Variants in KIF9 observed in about 807,000 individuals in gnomAD.
KIF9 encodes the protein kinesin-like protein KIF9.
A neutral mutation model predicts 94.8 loss-of-function variants in KIF9; 68 were observed. That is an observed-to-expected ratio of 0.72 (90% CI 0.59 to 0.88). The LOEUF (loss-of-function observed/expected upper bound fraction) is 0.88. Ranked by LOEUF, KIF9 falls within the 40% of genes least tolerant of loss-of-function variation. The probability of loss-of-function intolerance (pLI) is 0.00; values close to 1 mark genes in which losing one functional copy is unlikely to be tolerated. For synonymous variants in KIF9, 343 were observed against 362.1 expected (o/e 0.95, Z 0.60); for missense variants, 882 against 982.5 (o/e 0.90, Z 1.37).
chr3:47,264,386 T>A, intron 8 of KIF9, 36 bp from the exon 9 acceptor site: 4 of 1,581,532 alleles, frequency 2.5e-6, no homozygotes, highest in Non-Finnish European at 3.5e-6. Context: ...CTATGAACCA[T>A]GTGTTTTTTC....
At chr3:47,236,722 A>T in intron 17 of KIF9, 103 bp from the exon 18 acceptor site, 1 of 955,590 alleles carries the variant, frequency 1.0e-6, no homozygotes, top group Admixed American at 2.1e-5. Flanking sequence ...AATCATGAAG[A>T]CAGGAGACCA....
intron 10 of KIF9, among the ~76,000 whole-genome samples, chr3:47,249,474 C>A (rs1700133968): frequency 6.6e-6 from 1 of 152,152 alleles, no homozygotes; most frequent in South Asian, 2.1e-4. Context: ...TGCTTACAAA[C>A]AATGCTGCAA....
intron 17 of KIF9, among the ~76,000 whole-genome samples, chr3:47,239,168 C>A (rs976289291): frequency 6.6e-6 from 1 of 152,116 alleles, no homozygotes; most frequent in Non-Finnish European, 1.5e-5. Flanking sequence ...CCATTGCACT[C>A]CAGCCTGGGC....
intron 20 of KIF9, among the ~76,000 whole-genome samples, 193 bp downstream of exon 20, chr3:47,235,320 G>A (rs976793246): frequency 3.9e-5 from 6 of 152,320 alleles, no homozygotes; most frequent in East Asian, 1.9e-4. Context: ...TGGCCTGGCC[G>A]TGGTTGGTGG....
intron 1 of KIF9, chr3:47,282,184 A>C (rs758778680): frequency 1.1e-5 from 11 of 985,228 alleles, no homozygotes; most frequent in Non-Finnish European, 1.3e-5. Flanking sequence ...AGCCCCCTCT[A>C]GTTCGAAAAC....
At chr3:47,252,591 T>G (rs1331826683) in intron 10 of KIF9, among the ~76,000 whole-genome samples, 1 of 151,514 alleles carries the variant, frequency 6.6e-6, no homozygotes, top group East Asian at 2.0e-4. Context: ...AGCAAGACCC[T>G]GTCTAAAAAA....
At chr3:47,272,063 T>C (rs1415823807) in intron 4 of KIF9, among the ~76,000 whole-genome samples, 2 of 152,108 alleles carry the variant, frequency 1.3e-5, no homozygotes, top group African/African-American at 4.8e-5. Flanking sequence ...GAGCTTGCAG[T>C]GAGATGAGAT....
intron 10 of KIF9, among the ~76,000 whole-genome samples, chr3:47,256,416 C>G (rs1700600674): frequency 6.6e-6 from 1 of 152,146 alleles, no homozygotes; most frequent in Admixed American, 6.5e-5. Flanking sequence ...GGCAGCCACC[C>G]CATCTGGGAA....
intron 9 of KIF9, chr3:47,263,755 TTCTC>T (rs1701123755): frequency 2.3e-6 from 1 of 434,152 alleles, no homozygotes; most frequent in South Asian, 1.7e-5. Context: ...GGACCATGGC[TTCTC>T]TCTCTTTCTG....
chr3:47,267,368 A>G (rs1701354426), intron 5 of KIF9, 105 bp from the exon 6 acceptor site: 2 of 824,284 alleles, frequency 2.4e-6, no homozygotes, highest in East Asian at 2.4e-5. Flanking sequence ...GTCTCATATC[A>G]CTGCGATCAG....
Position 47,264,348 on chromosome 3 carries a change from C to A in KIF9, c.919G>T (p.Gly307Ter). Residue 307 changes from glycine to a stop codon, truncating the protein, a stop_gained and splice_region_variant, in exon 9 of 21, where the codon GGA becomes TGA. Transcript: ENST00000684063. LOFTEE classifies it high-confidence loss of function. Reference sequence around the variant, plus strand: ...GTCACGAGGACCATATTGCAGTTTCCCCCTGCGGAAAGCAAGACACAGAAG... The same window carrying A: ...GTCACGAGGACCATATTGCAGTTTCACCCTGCGGAAAGCAAGACACAGAAG... The part of the protein sequence containing the change: ...LTHALKDSLG[G>*]NCNMVLVTNI... The A allele has an allele frequency of 6.2e-7, 1 of 1,613,284 alleles. No homozygotes were observed. The highest frequency in any genetic ancestry group is 8.5e-7 in the Non-Finnish European group (1 of 1,179,264).
Position 47,277,280 on chromosome 3 carries a change from A to T in KIF9, c.93+2T>A. 1 of 1,610,952 alleles carries T rather than the reference A, an allele frequency of 6.2e-7. No individual in the cohort carries two copies. The highest frequency in any genetic ancestry group is 8.5e-7 in the Non-Finnish European group (1 of 1,177,552). ...AGTTGAAGGCAAACACATCGCACTT[A>T]CTCTTTTGTCATCTCCGTATCTGAT... is the stretch of plus-strand genomic sequence containing the variant. On this transcript the variant is annotated splice_donor_variant, in intron 2 of 20. Coordinates refer to ENST00000684063, the MANE Select transcript of KIF9 (RefSeq NM_182902.4). LOFTEE classifies it high-confidence loss of function.
intron 1 of KIF9, among the ~76,000 whole-genome samples, chr3:47,280,690 A>G (rs1003128873): frequency 6.6e-6 from 1 of 152,192 alleles, no homozygotes. Flanking sequence ...TCAACAAAAC[A>G]AAACAAATAA....
Position 47,241,004 on chromosome 3 carries a change from G to A in KIF9, c.1721C>T (p.Pro574Leu), listed in dbSNP as rs749219695. ...EELRPIRPDT[P>L]PSKPVAFEEF... The stretch of plus-strand genomic sequence containing the variant: ...CTCAAAGGCCACTGGTTTGGAGGGT[G>A]GGGTGTCGGGCCTTGAGATGAAAAG... The change falls in exon 17 of 21, where the codon CCA becomes CTA. Residue 574 changes from proline (P) to leucine (L), a missense_variant. Physicochemically the swap from Pro to Leu is moderately conservative, Grantham distance 98. Coordinates refer to ENST00000684063, the MANE Select transcript of KIF9 (RefSeq NM_182902.4). The A allele has an allele frequency of 5.3e-5, 85 of 1,613,978 alleles. No individual in the cohort carries two copies. The highest frequency in any genetic ancestry group is 6.9e-5 in the Non-Finnish European group (82 of 1,179,980).
At position 47,236,486 on chromosome 3, in the gene KIF9, A is replaced by G. The variant is rs140833914; in HGVS notation, c.2058T>C (p.Tyr686=). ...GACACTGATCCACTAGGTGCTGGCA[A>G]TACTGGATCTCAGCCCTGAGGTCAC... is the stretch of plus-strand genomic sequence containing the variant. ...DLRDLRAEIQ[Y]CQHLVDQCRH... Residue 686 remains tyrosine (Y), a synonymous_variant, in exon 18 of 21, where the codon TAT becomes TAC. Transcript: ENST00000684063. 2.0e-4 allele frequency: 328 copies of G among 1,613,644 alleles called. No homozygotes were observed. Among genetic ancestry groups the G allele is most frequent in the Non-Finnish European group, 2.7e-4 (314 of 1,180,042 alleles).
intron 1 of KIF9, among the ~76,000 whole-genome samples, chr3:47,280,602 G>A (rs529804313): frequency 6.0e-4 from 92 of 152,290 alleles, no homozygotes; most frequent in Non-Finnish European, 7.6e-4. Context: ...AATTTCCCAG[G>A]AGGCTGAGGC....
At position 47,280,404 on chromosome 3, in the gene KIF9, C is replaced by T. The variant is rs982070818; in HGVS notation, c.-6+2091G>A. Among the ~76,000 whole-genome samples the T allele has an allele frequency of 1.1e-4, 17 of 152,202 alleles. 1 individual carries two copies. In the South Asian group the frequency reaches 3.5e-3, roughly 31 times the overall value. On this transcript the variant is annotated intron_variant, in intron 1 of 20. Transcript: ENST00000684063. ...AGCCCCTGCACAAGAGTAGCACAGG[C>T]CAGTTCAGAGCATCAACCTCAGCTG... is the stretch of plus-strand genomic sequence containing the variant.
chr3:47,256,069 G>T (rs1203086382), intron 10 of KIF9, among the ~76,000 whole-genome samples: 2 of 152,222 alleles, frequency 1.3e-5, no homozygotes, highest in East Asian at 3.8e-4. Flanking sequence ...GTGCTCAATG[G>T]TGCCCAGGCT....
At chr3:47,269,958 C>T (rs1373423613) in intron 5 of KIF9, among the ~76,000 whole-genome samples, 5 of 151,698 alleles carry the variant, frequency 3.3e-5, no homozygotes, top group Non-Finnish European at 7.4e-5. Flanking sequence ...GTAGTAGAGA[C>T]GGGGTTTCAC....
Sources: gnomAD v4.1 joint callset for allele counts (sites outside exome capture counted in the v4.1 genomes callset) on GRCh38, gnomAD v4.1.1 for gene constraint, MANE v1.5 for transcripts, NCBI Gene and HGNC (gene_info 2026-07-23, HGNC 2026-07-21) for gene names.